NTRK1: variants seen among roughly 807,000 people sequenced by gnomAD.
The protein encoded by NTRK1 is neurotrophic receptor tyrosine kinase 1, also known as high affinity nerve growth factor receptor.
NTRK1 carries 62 observed loss-of-function variants against 86.8 expected under a neutral mutation model. The observed-to-expected ratio is 0.71, with a 90% CI of 0.58 to 0.88. The LOEUF (loss-of-function observed/expected upper bound fraction) is 0.88. Among genes scored for constraint, NTRK1 ranks in the 40% least tolerant of loss-of-function variants. The pLI is 0.00. For synonymous variants in NTRK1, 469 were observed against 456.6 expected, an observed-to-expected ratio of 1.03 and a Z score of -0.35; for missense variants, 967 against 1,078.4, an observed-to-expected ratio of 0.90 and a Z score of 1.45.
intron 2 of NTRK1, chr1:156,849,408 A>G: frequency 6.2e-7 from 1 of 1,602,708 alleles, no homozygotes; most frequent in Non-Finnish European, 8.5e-7. Context: ...GCGGCCACCC[A>G]GGACCCTAGC....
upstream of NTRK1, chr1:156,860,780 G>T: frequency 1.5e-6 from 2 of 1,310,220 alleles, no homozygotes; most frequent in Non-Finnish European, 1.9e-6. Context: ...TGGAGAAGAG[G>T]GGCAAGGCGG....
chr1:156,846,706 C>G (rs146079800), intron 2 of NTRK1: 209 of 1,614,034 alleles, frequency 1.3e-4, no homozygotes, highest in Non-Finnish European at 1.7e-4. Flanking sequence ...GGTTCCAGCT[C>G]TGGGTTCCAC....
rs758360233 is a variant in NTRK1 at position 156,852,226 on chromosome 1, G to A, written c.50+10033G>A. The A allele has an allele frequency of 6.0e-5, 93 of 1,546,278 alleles. No homozygotes were observed. In the Middle Eastern group the frequency reaches 6.4e-4, roughly 11 times the overall value. On this transcript the variant is annotated intron_variant, in intron 2 of 16. Coordinates refer to the NTRK1 transcript ENST00000392302. The stretch of plus-strand genomic sequence containing the variant: ...GAGTGGTGTGTTAGACGTTGGCCAT[G>A]CCCCCTCAGTCCTGGCTGTCCTTCC...
rs201564883 is a variant in NTRK1 at position 156,876,443 on chromosome 1, G to A, written c.1676G>A (p.Arg559His). Residue 559 changes from arginine (R) to histidine (H), a missense_variant, in exon 14 of 17, where the codon CGT becomes CAT. Physicochemically the swap from Arg to His is conservative, Grantham distance 29. Transcript: ENST00000524377. ...GAGAGTGCTCGGCAGGACTTCCAGCGTGAGGCTGAGCTGCTCACCATGCTG... is the reference window on the plus strand; with the variant it reads ...GAGAGTGCTCGGCAGGACTTCCAGCATGAGGCTGAGCTGCTCACCATGCTG... Reference protein sequence around the residue: ...ASESARQDFQREAELLTMLQH... With the variant: ...ASESARQDFQHEAELLTMLQH... The A allele has an allele frequency of 5.0e-6, 8 of 1,613,880 alleles. No homozygotes were observed. The highest frequency in any genetic ancestry group is 1.6e-4 in the Middle Eastern group (1 of 6,062).
intron 1 of NTRK1, chr1:156,816,196 A>G: frequency 6.8e-7 from 1 of 1,480,232 alleles, no homozygotes; most frequent in Non-Finnish European, 9.0e-7. Flanking sequence ...GAGGGCTGGG[A>G]CAGTCTTAAC....
chr1:156,873,986 C>A (rs2102906674), intron 8 of NTRK1, 27 bp downstream of exon 8: 2 of 1,548,296 alleles, frequency 1.3e-6, no homozygotes, highest in South Asian at 1.2e-5. Context: ...GAACCCTGCC[C>A]CCACTCCTGG....
chr1:156,837,536 G>T (rs1462718016), intron 1 of NTRK1, among the ~76,000 whole-genome samples: 1 of 152,212 alleles, frequency 6.6e-6, no homozygotes, highest in Admixed American at 6.5e-5. Flanking sequence ...GCAAAGAAAG[G>T]GGGTGGACAG....
intron 15 of NTRK1, 149 bp downstream of exon 15, chr1:156,879,511 T>A: frequency 9.3e-7 from 1 of 1,073,294 alleles, no homozygotes; most frequent in Non-Finnish European, 1.3e-6. Flanking sequence ...CCTCGGCTCC[T>A]GGTGGAGGGG....
At chr1:156,843,509 G>C in intron 2 of NTRK1, 1 of 1,611,096 alleles carries the variant, frequency 6.2e-7, no homozygotes, top group South Asian at 1.1e-5. Context: ...GGTCAGGCTG[G>C]AAGGGTTCTC....
upstream of NTRK1, among the ~76,000 whole-genome samples, chr1:156,860,482 G>A (rs959280682): frequency 2.0e-5 from 3 of 152,268 alleles, no homozygotes; most frequent in African/African-American, 4.8e-5. Context: ...CGCGCGCCGC[G>A]AGGATGGAGC....
chr1:156,822,352 G>C (rs527730841), intron 1 of NTRK1, among the ~76,000 whole-genome samples: 68 of 152,238 alleles, frequency 4.5e-4, no homozygotes, highest in Non-Finnish European at 7.4e-4. Context: ...GAAGCCAGGA[G>C]TTGGAGAACA....
intron 2 of NTRK1, chr1:156,846,553 C>T: frequency 6.2e-7 from 1 of 1,614,210 alleles, no homozygotes; most frequent in Non-Finnish European, 8.5e-7. Flanking sequence ...CGATGGGACT[C>T]TGGGCTCCTT....
intron 2 of NTRK1, chr1:156,853,859 G>A (rs1363436235): frequency 6.2e-7 from 1 of 1,614,016 alleles, no homozygotes; most frequent in Admixed American, 1.7e-5. Context: ...GCACACGTCA[G>A]CACACTCCTC....
intron 7 of NTRK1, among the ~76,000 whole-genome samples, chr1:156,873,219 A>C (rs1247597381): frequency 6.6e-6 from 1 of 152,008 alleles, no homozygotes; most frequent in African/African-American, 2.4e-5. Flanking sequence ...GCTTTTCCCC[A>C]AAAATTTAAC....
rs750026012 is a variant in NTRK1 at position 156,876,070 on chromosome 1, G to GC, written c.1502-5dup. ...CTGGGGCTACCGTCTGACCCTGCAA[G>GC]CCCCCTCAGGTGTTCACCACATCAA... is the stretch of plus-strand genomic sequence containing the variant. On this transcript the variant is annotated splice_polypyrimidine_tract_variant and intron_variant, in intron 12 of 16. Coordinates refer to ENST00000524377, the MANE Select transcript of NTRK1 (RefSeq NM_002529.4). The GC allele has an allele frequency of 8.1e-6, 13 of 1,614,162 alleles. No homozygotes were observed. Among genetic ancestry groups the GC allele is most frequent in the Middle Eastern group, 1.7e-4 (1 of 6,060 alleles).
At chr1:156,820,477 G>A (rs2102832410) in intron 1 of NTRK1, among the ~76,000 whole-genome samples, 1 of 152,254 alleles carries the variant, frequency 6.6e-6, no homozygotes, top group African/African-American at 2.4e-5. Context: ...GAACTCCTGG[G>A]CTCAAGCCAT....
At position 156,875,619 on chromosome 1, in the gene NTRK1, G is replaced by A; in HGVS notation, c.1454G>A (p.Gly485Glu). The change falls in exon 12 of 17, where the codon GGG becomes GAG. Residue 485 changes from glycine to glutamate, a missense_variant. By Grantham distance (98) the Gly-to-Glu change is moderately conservative. Around this residue, in one of 2 missense-constraint regions of NTRK1, gnomAD observed 637 missense variants for 776.5 expected, o/e 0.82. Coordinates refer to ENST00000524377, the MANE Select transcript of NTRK1 (RefSeq NM_002529.4). Reference protein sequence around the residue: ...SLSPTEGKGSGLQGHIIENPQ... With the variant: ...SLSPTEGKGSELQGHIIENPQ... Reference sequence around the variant, plus strand: ...TCCCCCACCGAGGGCAAAGGCTCTGGGCTCCAAGGCCACATCATCGAGAAC... The same window carrying A: ...TCCCCCACCGAGGGCAAAGGCTCTGAGCTCCAAGGCCACATCATCGAGAAC... 1 of 1,613,790 alleles carries A rather than the reference G, an allele frequency of 6.2e-7. No homozygotes were observed. The highest frequency in any genetic ancestry group is 8.5e-7 in the Non-Finnish European group (1 of 1,179,982).
At chr1:156,863,996 G>T (rs1310181560) in intron 1 of NTRK1, among the ~76,000 whole-genome samples, 2 of 152,202 alleles carry the variant, frequency 1.3e-5, no homozygotes, top group Non-Finnish European at 2.9e-5. Context: ...ATGTGCAGGT[G>T]CATGGCGTCA....
intron 1 of NTRK1, among the ~76,000 whole-genome samples, chr1:156,819,943 C>CT (rs1031979261): frequency 9.2e-5 from 14 of 152,080 alleles, no homozygotes; most frequent in African/African-American, 2.6e-4. Flanking sequence ...CTGCTGATTA[C>CT]TTTTTTTTGC....
Sources: allele counts gnomAD v4.1 joint callset (sites outside exome capture counted in the v4.1 genomes callset), GRCh38; gene constraint gnomAD v4.1.1; regional missense constraint gnomAD v4.1.1; transcripts MANE v1.5; gene names NCBI Gene and HGNC (gene_info 2026-07-23, HGNC 2026-07-21).